Variants in WDR76 observed in about 807,000 individuals in gnomAD.
The protein encoded by WDR76 is WD repeat domain 76.
WDR76 carries 52 observed loss-of-function variants against 70.2 expected under a neutral mutation model. The ratio of observed to expected loss-of-function variants is 0.74; its 90% CI spans 0.59 to 0.93. The LOEUF (loss-of-function observed/expected upper bound fraction) is 0.93, where lower values mean the gene tolerates loss of function less well. WDR76 is among the 40% of genes least tolerant of loss of function. WDR76 has a pLI of 0.00. For missense variants in WDR76, 756 were observed against 760.2 expected, an observed-to-expected ratio of 0.99 and a Z score of 0.07; for synonymous variants, 292 against 271.1, an observed-to-expected ratio of 1.08 and a Z score of -0.76.
Position 43,858,666 on chromosome 15 carries a change from T to G in WDR76, c.1410-5T>G, listed in dbSNP as rs373068955. ...CAACATTGATCATTGTTTCTCCCAT[T>G]ACAGGGATACTCATATTTATGATGC... On this transcript the variant is annotated splice_polypyrimidine_tract_variant and splice_region_variant and intron_variant, in intron 10 of 12. Transcript: ENST00000263795. 12 of 1,613,300 alleles carry G rather than the reference T, an allele frequency of 7.4e-6. No homozygotes were observed. The highest frequency in any genetic ancestry group is 1.0e-5 in the Non-Finnish European group (12 of 1,179,688).
intron 4 of WDR76, 97 bp from the exon 5 acceptor site, chr15:43,839,508 A>C (rs58090135): frequency 7.9e-7 from 1 of 1,262,598 alleles, no homozygotes; most frequent in African/African-American, 1.5e-5. Flanking sequence ...TTATAAATAT[A>C]TCTGTGGTAT....
intron 7 of WDR76, among the ~76,000 whole-genome samples, chr15:43,843,013 C>CTTTTTTTTTTTTTTTT (rs370773260): frequency 3.4e-4 from 41 of 119,902 alleles, no homozygotes; most frequent in Middle Eastern, 7.4e-3. Flanking sequence ...TTTTCTTTTT[C>CTTTTTTTTTTTTTTTT]TTTTTTTTTT....
Position 43,850,575 on chromosome 15 carries a change from G to A in WDR76, c.1033-512G>A, listed in dbSNP as rs1225273902. Among the ~76,000 whole-genome samples the A allele has an allele frequency of 8.5e-5, 13 of 152,196 alleles. No homozygotes were observed. The East Asian group carries it at 1.4e-3, about 16-fold the overall frequency. On this transcript the variant is annotated intron_variant, in intron 8 of 12. Transcript: ENST00000263795. ...CTCCCAAAGTGCTAGGATTACAGGC[G>A]TGAGCCACCGCGCCCGGCCATTTTT... is the stretch of plus-strand genomic sequence containing the variant.
At chr15:43,832,749 T>TTTG (rs1555461215) in intron 2 of WDR76, among the ~76,000 whole-genome samples, 8 of 128,262 alleles carry the variant, frequency 6.2e-5, no homozygotes, top group South Asian at 2.8e-4. Context: ...CTTTGTTTTT[T>TTTG]TTTTTTTTTT....
chr15:43,840,253 A>T (rs1182603994), intron 5 of WDR76, among the ~76,000 whole-genome samples: 7 of 152,108 alleles, frequency 4.6e-5, no homozygotes, highest in Non-Finnish European at 8.8e-5. Flanking sequence ...ATTGTGGGTG[A>T]GTTAATTAAC....
chr15:43,841,994 A>C (rs1392173837), intron 5 of WDR76, among the ~76,000 whole-genome samples: 1 of 151,828 alleles, frequency 6.6e-6, no homozygotes, highest in Non-Finnish European at 1.5e-5. Context: ...CAGCCTCCTG[A>C]GCTGCTGGGA....
intron 12 of WDR76, among the ~76,000 whole-genome samples, chr15:43,861,739 G>A (rs557159470): frequency 1.5e-4 from 23 of 151,496 alleles, no homozygotes; most frequent in African/African-American, 5.6e-4. Flanking sequence ...GTTTATTTGT[G>A]TCTGTTTATT....
At chr15:43,843,196 G>A (rs1357129904) in intron 7 of WDR76, among the ~76,000 whole-genome samples, 1 of 151,576 alleles carries the variant, frequency 6.6e-6, no homozygotes, top group Non-Finnish European at 1.5e-5. Context: ...ACTAATTTTT[G>A]TATTTGTAGA....
intron 2 of WDR76, among the ~76,000 whole-genome samples, chr15:43,828,953 A>G (rs1238986726): frequency 1.3e-5 from 2 of 150,532 alleles, no homozygotes; most frequent in Non-Finnish European, 1.5e-5. Flanking sequence ...CCCAGGCCAG[A>G]GTGCAGTGAC....
intron 12 of WDR76, among the ~76,000 whole-genome samples, chr15:43,865,491 C>T (rs573894674): frequency 2.0e-5 from 3 of 152,226 alleles, no homozygotes; most frequent in East Asian, 1.9e-4. Context: ...CAGGCTGTCT[C>T]GAACTCCTGA....
chr15:43,832,781 C>T (rs1428060045), intron 2 of WDR76, among the ~76,000 whole-genome samples: 5 of 110,170 alleles, frequency 4.5e-5, no homozygotes, highest in Non-Finnish European at 8.6e-5. Context: ...GAGACAGTCT[C>T]GGCTCTTGCC....
rs112794516 is a variant in WDR76, at chr15:43,861,511, A to C, written c.1616+125A>C. 923 of 972,738 alleles carry C rather than the reference A, an allele frequency of 9.5e-4. 6 individuals carry two copies. The African/African-American group carries it at 0.013, about 14-fold the overall frequency. 60.3% of individuals were successfully genotyped at this position (972,738 alleles called of 1,614,324 possible). ...CCTGATTTTTGAATACAAAAATTAT[A>C]AGTGTCCCAGTTTGCTAGTTCCTAT... On this transcript the variant is annotated intron_variant, in intron 12 of 12. Coordinates refer to ENST00000263795, the MANE Select transcript of WDR76 (RefSeq NM_024908.4).
intron 12 of WDR76, among the ~76,000 whole-genome samples, chr15:43,861,776 C>T (rs1595455246): frequency 6.6e-6 from 1 of 151,728 alleles, no homozygotes; most frequent in Non-Finnish European, 1.5e-5. Flanking sequence ...TCCCCATCTT[C>T]CCACTTCATT....
intron 4 of WDR76, among the ~76,000 whole-genome samples, chr15:43,837,057 C>CA (rs939046687): frequency 1.9e-4 from 27 of 140,344 alleles, no homozygotes; most frequent in Admixed American, 2.9e-4. Context: ...AAAAAAAAAA[C>CA]AAAAAAAAAC....
chr15:43,839,862 T>G, intron 5 of WDR76, 134 bp downstream of exon 5: 3 of 1,196,046 alleles, frequency 2.5e-6, no homozygotes, highest in Non-Finnish European at 3.4e-6. Context: ...TGTATGGTTT[T>G]GTTTTGTTTT....
intron 8 of WDR76, among the ~76,000 whole-genome samples, chr15:43,847,320 G>T (rs2087801166): frequency 6.6e-6 from 1 of 151,928 alleles, no homozygotes; most frequent in Non-Finnish European, 1.5e-5. Flanking sequence ...GAGTGCTGTG[G>T]TGTGATCCTG....
In WDR76 at chr15:43,851,171, C is replaced by T; in HGVS notation, c.1117C>T (p.Pro373Ser). 6.2e-7 allele frequency: 1 copy of T among 1,614,206 alleles called. No individual in the cohort carries two copies. The highest frequency in any genetic ancestry group is 1.7e-5 in the Admixed American group (1 of 60,014). ...CTGTCTTTACTTCTCACCCGCCAATCCGGCCCACATACTGTCACTGAGCTA... is the reference window on the plus strand; with the variant it reads ...CTGTCTTTACTTCTCACCCGCCAATTCGGCCCACATACTGTCACTGAGCTA... ...VSCLYFSPAN[P>S]AHILSLSYDG... The change falls in exon 9 of 13, where the codon CCG becomes TCG. Residue 373 changes from proline to serine, a missense_variant. Coordinates refer to ENST00000263795, the MANE Select transcript of WDR76 (RefSeq NM_024908.4).
intron 3 of WDR76, among the ~76,000 whole-genome samples, chr15:43,835,933 A>G (rs2141727422): frequency 6.7e-6 from 1 of 149,482 alleles, no homozygotes. Flanking sequence ...CTGGGATTAC[A>G]GTTGTGATCC....
chr15:43,863,304 A>G (rs2088026950), intron 12 of WDR76, among the ~76,000 whole-genome samples: 1 of 152,168 alleles, frequency 6.6e-6, no homozygotes, highest in Admixed American at 6.6e-5. Context: ...AAATATATAC[A>G]TTGTGGAATG....
Sources: gnomAD v4.1 joint callset for allele counts (sites outside exome capture counted in the v4.1 genomes callset) on GRCh38, gnomAD v4.1.1 for gene constraint, MANE v1.5 for transcripts, NCBI Gene and HGNC (gene_info 2026-07-23, HGNC 2026-07-21) for gene names.